TTC13: variants seen among roughly 807,000 people sequenced by gnomAD.
TTC13 encodes tetratricopeptide repeat protein 13.
In TTC13, 62 loss-of-function variants were observed where a neutral mutation model predicts 120.0. The ratio of observed to expected loss-of-function variants is 0.52; its 90% CI spans 0.42 to 0.64. The LOEUF (loss-of-function observed/expected upper bound fraction) is 0.64. TTC13 is among the 30% of genes least tolerant of loss of function. The probability of loss-of-function intolerance (pLI) is 0.00; values close to 1 mark genes in which losing one functional copy is unlikely to be tolerated. For synonymous variants in TTC13, 384 were observed against 393.5 expected (o/e 0.98, Z 0.28); for missense variants, 824 against 1,050.2 (o/e 0.78, Z 2.98).
chr1:230,924,756 G>T, intron 14 of TTC13, 85 bp downstream of exon 14: 1 of 1,517,842 alleles, frequency 6.6e-7, no homozygotes, highest in Admixed American at 1.7e-5. Flanking sequence ...AGCAAAACAG[G>T]GTTCATAGCC....
rs908233119 is a variant in TTC13, at chr1:230,944,508, G to A, written c.580-610C>T. 7.2e-5 allele frequency among the ~76,000 whole-genome samples: 11 copies of A among 152,080 alleles called. No individual in the cohort carries two copies. Among genetic ancestry groups the A allele is most frequent in the Admixed American group, 6.6e-4 (10 of 15,262 alleles). On this transcript the variant is annotated intron_variant, in intron 5 of 22. Transcript: ENST00000366661. This position sits in a 1 kb window ranked among gnomAD's most constrained non-coding sequence, Gnocchi z 4.0. ...ACCTGGTCATTCATTGATGCTCTGA[G>A]TAAAATATCATTTCCTTCCTAAGCA...
rs1332457048 is a variant in TTC13, at chr1:230,907,023, A to C, written c.2469-4T>G. 5 of 1,447,938 alleles carry C rather than the reference A, an allele frequency of 3.5e-6. No homozygotes were observed. The highest frequency in any genetic ancestry group is 1.8e-4 in the Middle Eastern group (1 of 5,514). 89.7% of individuals were successfully genotyped at this position (1,447,938 alleles called of 1,614,324 possible). On this transcript the variant is annotated splice_region_variant and splice_polypyrimidine_tract_variant and intron_variant, in intron 22 of 22. Transcript: ENST00000366661. ...AGTCTTATAAGAAGGTGAAATACTGAAAAAGAAAAACACAAAGTAGCGGCA... is the reference window on the plus strand; with the variant it reads ...AGTCTTATAAGAAGGTGAAATACTGCAAAAGAAAAACACAAAGTAGCGGCA...
chr1:230,920,421 AT>A, intron 17 of TTC13, 88 bp downstream of exon 17: 1 of 917,162 alleles, frequency 1.1e-6, no homozygotes. Flanking sequence ...TTCAAATAGC[AT>A]TTAATAATTC....
chr1:230,961,856 C>T (rs2102968709), intron 1 of TTC13, among the ~76,000 whole-genome samples: 1 of 152,052 alleles, frequency 6.6e-6, no homozygotes, highest in South Asian at 2.1e-4. Flanking sequence ...CAGCATTTAC[C>T]ATAGATTAAA....
chr1:230,924,977 C>T lies in TTC13; in HGVS notation c.1589-4G>A, dbSNP rs774180950. On this transcript the variant is annotated splice_region_variant and splice_polypyrimidine_tract_variant and intron_variant, in intron 13 of 22. Transcript: ENST00000366661. Reference sequence around the variant, plus strand: ...TCCAATGCGGCCAAACCCATAGCTACGAGAAAGGAATATCGAGAAGAGTTA... The same window carrying T: ...TCCAATGCGGCCAAACCCATAGCTATGAGAAAGGAATATCGAGAAGAGTTA... 1.8e-5 allele frequency: 29 copies of T among 1,613,912 alleles called. No homozygotes were observed. Among genetic ancestry groups the T allele is most frequent in the African/African-American group, 2.7e-5 (2 of 74,856 alleles).
intron 12 of TTC13, among the ~76,000 whole-genome samples, chr1:230,926,999 G>A (rs923813866): frequency 6.6e-6 from 1 of 152,172 alleles, no homozygotes; most frequent in Non-Finnish European, 1.5e-5. Flanking sequence ...AAATATGTGA[G>A]AGCACAGCTT....
intron 1 of TTC13, among the ~76,000 whole-genome samples, chr1:230,966,101 C>T (rs1677099907): frequency 6.6e-6 from 1 of 152,114 alleles, no homozygotes; most frequent in South Asian, 2.1e-4. Flanking sequence ...ATTTCAGTAT[C>T]ACATTGTTTC....
At chr1:230,950,620 AG>A (rs1675483308) in intron 4 of TTC13, among the ~76,000 whole-genome samples, 1 of 152,238 alleles carries the variant, frequency 6.6e-6, no homozygotes, top group Non-Finnish European at 1.5e-5. Context: ...ATTTCACCTA[AG>A]TGACGAACAC....
chr1:230,931,998 T>C (rs1673606662), intron 9 of TTC13, 121 bp from the exon 10 acceptor site: 2 of 956,232 alleles, frequency 2.1e-6, no homozygotes, highest in African/African-American at 3.3e-5. Flanking sequence ...GTGTTCCCTT[T>C]GTTGCTTTTT....
At chr1:230,954,483 A>ATTT (rs1675872842) in intron 3 of TTC13, 80 bp from the exon 4 acceptor site, 1 of 1,121,154 alleles carries the variant, frequency 8.9e-7, no homozygotes, top group Non-Finnish European at 1.3e-6. Context: ...GCTTTGGTAA[A>ATTT]TCTCCAAAGG....
At chr1:230,962,305 G>A (rs1165391328) in intron 1 of TTC13, among the ~76,000 whole-genome samples, 2 of 151,910 alleles carry the variant, frequency 1.3e-5, no homozygotes, top group Non-Finnish European at 2.9e-5. Flanking sequence ...TTAAAAACAG[G>A]CAAAGGACCT....
At chr1:230,972,252 G>A (rs66808090) in intron 1 of TTC13, among the ~76,000 whole-genome samples, 34,575 of 152,152 alleles carry the variant, frequency 0.23, 4,278 homozygotes, top group Non-Finnish European at 0.28. Flanking sequence ...TGAGACTATC[G>A]GCAATCTTAA....
chr1:230,967,742 T>A (rs1486948190), intron 1 of TTC13, among the ~76,000 whole-genome samples: 2 of 152,240 alleles, frequency 1.3e-5, no homozygotes, highest in Non-Finnish European at 2.9e-5. Context: ...TAACTCACTA[T>A]GGCTTTAATT....
intron 11 of TTC13, among the ~76,000 whole-genome samples, chr1:230,929,887 G>C (rs1240515200): frequency 2.6e-5 from 4 of 152,190 alleles, no homozygotes; most frequent in African/African-American, 9.6e-5. Flanking sequence ...CAGAAAAAAG[G>C]GAATTGTAAT....
intron 15 of TTC13, among the ~76,000 whole-genome samples, chr1:230,921,809 G>A (rs184651205): frequency 2.6e-5 from 4 of 152,266 alleles, no homozygotes; most frequent in East Asian, 1.9e-4. Flanking sequence ...GTCCTCTGAC[G>A]GATCCCATCA....
intron 1 of TTC13, among the ~76,000 whole-genome samples, chr1:230,971,891 C>G (rs1436745106): frequency 6.6e-6 from 1 of 152,152 alleles, no homozygotes; most frequent in Non-Finnish European, 1.5e-5. Flanking sequence ...ATCAGATGCT[C>G]AAAGTGACAC....
At chr1:230,936,134 CA>C in intron 8 of TTC13, 2 of 455,300 alleles carry the variant, frequency 4.4e-6, no homozygotes, top group Middle Eastern at 3.3e-4. Flanking sequence ...TGGAGACGCC[CA>C]GGGGGCTGCC....
At chr1:230,930,442 A>G (rs1343922330) in intron 11 of TTC13, among the ~76,000 whole-genome samples, 2 of 152,198 alleles carry the variant, frequency 1.3e-5, no homozygotes, top group Admixed American at 1.3e-4. Context: ...ACAATAACAA[A>G]AAAGAATGTA....
intron 22 of TTC13, 25 bp downstream of exon 22, chr1:230,908,686 TG>T: frequency 1.2e-6 from 2 of 1,603,364 alleles, no homozygotes; most frequent in Non-Finnish European, 1.7e-6. Flanking sequence ...ATGATACCCT[TG>T]TGTGGACCCC....
Sources: gnomAD v4.1 joint callset for allele counts (sites outside exome capture counted in the v4.1 genomes callset) on GRCh38, gnomAD v4.1.1 for gene constraint, Gnocchi (gnomAD v3.1) non-coding constraint, MANE v1.5 for transcripts, NCBI Gene and HGNC (gene_info 2026-07-23, HGNC 2026-07-21) for gene names.